PARD3: variants seen among roughly 807,000 people sequenced by gnomAD.
PARD3 encodes par-3 family cell polarity regulator.
PARD3 carries 75 observed loss-of-function variants against 155.4 expected under a neutral mutation model. The ratio of observed to expected loss-of-function variants is 0.48; its 90% CI spans 0.40 to 0.58. PARD3 has a LOEUF of 0.58. Among genes scored for constraint, PARD3 ranks in the 20% least tolerant of loss-of-function variants. The pLI is 0.00. For missense variants in PARD3, 1,642 were observed against 1,721.7 expected (o/e 0.95, Z 0.82); for synonymous variants, 576 against 610.5 (o/e 0.94, Z 0.83).
chr10:34,718,780 T>C (rs1386160489), intron 1 of PARD3, among the ~76,000 whole-genome samples: 2 of 152,116 alleles, frequency 1.3e-5, no homozygotes, highest in Non-Finnish European at 2.9e-5. Flanking sequence ...CTGACCAACA[T>C]GGTGAAACCC....
At chr10:34,153,058 C>G (rs1339091535) in intron 22 of PARD3, among the ~76,000 whole-genome samples, 1 of 152,210 alleles carries the variant, frequency 6.6e-6, no homozygotes, top group Non-Finnish European at 1.5e-5. Context: ...GGCTAATATT[C>G]TAACATTCAA....
chr10:34,370,029 A>G (rs1221603874), intron 12 of PARD3, among the ~76,000 whole-genome samples: 1 of 152,210 alleles, frequency 6.6e-6, no homozygotes, highest in Non-Finnish European at 1.5e-5. Flanking sequence ...GCCCCTGTCA[A>G]TTTCTTAAAT....
chr10:34,264,548 C>T (rs1955197698), intron 22 of PARD3, among the ~76,000 whole-genome samples: 1 of 152,092 alleles, frequency 6.6e-6, no homozygotes, highest in Non-Finnish European at 1.5e-5. Flanking sequence ...TAGCCTACAA[C>T]TTTAGAATCA....
chr10:34,543,100 C>CTTTT (rs35082383), intron 2 of PARD3, among the ~76,000 whole-genome samples: 1 of 148,222 alleles, frequency 6.7e-6, no homozygotes, highest in African/African-American at 2.5e-5. Flanking sequence ...TTTTTAAAGG[C>CTTTT]TTTTTTTTTT....
chr10:34,357,761 C>A (rs1015668295), intron 14 of PARD3, among the ~76,000 whole-genome samples: 1 of 152,122 alleles, frequency 6.6e-6, no homozygotes, highest in East Asian at 1.9e-4. Context: ...CTCTTGATAT[C>A]GCAATTAATT....
At chr10:34,581,391 C>A (rs1474414524) in intron 2 of PARD3, among the ~76,000 whole-genome samples, 3 of 151,666 alleles carry the variant, frequency 2.0e-5, no homozygotes, top group Non-Finnish European at 4.4e-5. Context: ...CCTGCCACTG[C>A]GCCCGGCTAA....
At chr10:34,192,967 A>G (rs1277693759) in intron 22 of PARD3, among the ~76,000 whole-genome samples, 1 of 152,178 alleles carries the variant, frequency 6.6e-6, no homozygotes, top group African/African-American at 2.4e-5. Flanking sequence ...CTTAGCTTAA[A>G]CCCAATTTTA....
At chr10:34,395,101 C>A (rs778996628) in intron 7 of PARD3, among the ~76,000 whole-genome samples, 5 of 152,144 alleles carry the variant, frequency 3.3e-5, no homozygotes, top group Non-Finnish European at 5.9e-5. Flanking sequence ...GTGGCGTGAT[C>A]TTGGCTCACT....
intron 1 of PARD3, among the ~76,000 whole-genome samples, chr10:34,754,137 T>C (rs566388794): frequency 6.6e-6 from 1 of 152,278 alleles, no homozygotes; most frequent in African/African-American, 2.4e-5. Context: ...GCCTCCTGAA[T>C]AGCTGGGACT....
intron 2 of PARD3, among the ~76,000 whole-genome samples, chr10:34,638,684 C>T (rs1312043761): frequency 6.6e-6 from 1 of 152,166 alleles, no homozygotes; most frequent in Non-Finnish European, 1.5e-5. Context: ...AAAAGTACTG[C>T]TTTCCATTTC....
chr10:34,724,503 TAA>T (rs1564548603), intron 1 of PARD3, among the ~76,000 whole-genome samples: 1 of 152,168 alleles, frequency 6.6e-6, no homozygotes. Context: ...AAGTTATATA[TAA>T]GAGGCTGCCC....
intron 1 of PARD3, among the ~76,000 whole-genome samples, chr10:34,776,833 T>TTTTGGGGGGGGGGGGGGG (rs1564608800): frequency 1.0e-4 from 1 of 9,908 alleles, no homozygotes; most frequent in African/African-American, 2.9e-4. Context: ...CGTGTTTTTT[T>TTTTGGGGGGGGGGGGGGG]GTGGGGGGGG....
intron 1 of PARD3, among the ~76,000 whole-genome samples, chr10:34,714,149 A>C (rs2094485773): frequency 6.6e-6 from 1 of 152,160 alleles, no homozygotes; most frequent in African/African-American, 2.4e-5. Context: ...TGAATCCTAA[A>C]CAAAAACTTG....
chr10:34,651,111 C>T (rs1029106540), intron 2 of PARD3, among the ~76,000 whole-genome samples: 2 of 151,208 alleles, frequency 1.3e-5, no homozygotes, highest in Admixed American at 1.3e-4. Context: ...GAATCACAGC[C>T]GCCCGCACAA....
chr10:34,376,953 T>C (rs188939358), intron 10 of PARD3, among the ~76,000 whole-genome samples: 18 of 152,346 alleles, frequency 1.2e-4, no homozygotes, highest in African/African-American at 3.4e-4. Flanking sequence ...TTTTCTCTTT[T>C]ATGTGCAAAC....
At chr10:34,553,390 T>C (rs1229942463) in intron 2 of PARD3, among the ~76,000 whole-genome samples, 2 of 152,210 alleles carry the variant, frequency 1.3e-5, no homozygotes, top group Non-Finnish European at 2.9e-5. Flanking sequence ...TTCAGAGAAG[T>C]TAAGGCCTTT....
chr10:34,604,060 T>C (rs2090017475), intron 2 of PARD3, among the ~76,000 whole-genome samples: 1 of 152,042 alleles, frequency 6.6e-6, no homozygotes, highest in Non-Finnish European at 1.5e-5. Context: ...GTAAATCCCC[T>C]CAGGCCACAA....
intron 3 of PARD3, among the ~76,000 whole-genome samples, chr10:34,507,014 T>G (rs2081111399): frequency 6.6e-6 from 1 of 152,198 alleles, no homozygotes; most frequent in Admixed American, 6.5e-5. Flanking sequence ...CAGTTTATCT[T>G]TCAGCAGGGA....
Position 34,710,260 on chromosome 10 carries a change from T to C in PARD3, c.121-13841A>G, listed in dbSNP as rs1372931939. On this transcript the variant is annotated intron_variant, in intron 1 of 24. Coordinates refer to ENST00000374788, the MANE Select transcript of PARD3 (RefSeq NM_001184785.2). ...GTTCACCGACTGTTACATAAGACTT[T>C]GTTTCATCCCTAGTTTGAAGAATGT... Among the ~76,000 whole-genome samples the C allele has an allele frequency of 2.6e-5, 4 of 152,198 alleles. No individual in the cohort carries two copies. The South Asian group carries it at 8.3e-4, about 32-fold the overall frequency.
Sources: gnomAD v4.1 joint callset for allele counts (sites outside exome capture counted in the v4.1 genomes callset) on GRCh38, gnomAD v4.1.1 for gene constraint, MANE v1.5 for transcripts, NCBI Gene and HGNC (gene_info 2026-07-23, HGNC 2026-07-21) for gene names.